The following DIAPH3 variants were observed in gnomAD, a reference collection of about 807,000 sequenced individuals.
DIAPH3 encodes the protein diaphanous related formin 3.
DIAPH3 carries 117 observed loss-of-function variants against 144.3 expected under a neutral mutation model. The ratio of observed to expected loss-of-function variants is 0.81; its 90% CI spans 0.70 to 0.95. The LOEUF (loss-of-function observed/expected upper bound fraction) is 0.95. Ranked by LOEUF, DIAPH3 falls within the 40% of genes least tolerant of loss-of-function variation. DIAPH3 has a pLI of 0.00. For missense variants in DIAPH3, 1,421 were observed against 1,412.7 expected (o/e 1.01, Z -0.09); for synonymous variants, 519 against 488.9 (o/e 1.06, Z -0.81).
intron 20 of DIAPH3, among the ~76,000 whole-genome samples, chr13:59,885,958 C>T (rs769575762): frequency 9.2e-5 from 14 of 152,016 alleles, no homozygotes; most frequent in Non-Finnish European, 1.9e-4. Context: ...CCACCAAGAT[C>T]GTAGACATTT....
At chr13:59,991,902 A>G (rs2051844665) in intron 11 of DIAPH3, among the ~76,000 whole-genome samples, 166 bp downstream of exon 11, 1 of 152,078 alleles carries the variant, frequency 6.6e-6, no homozygotes, top group South Asian at 2.1e-4. Flanking sequence ...ATATATGTGT[A>G]TTCATAAAAA....
intron 17 of DIAPH3, among the ~76,000 whole-genome samples, chr13:59,962,635 T>A (rs984990770): frequency 5.3e-5 from 8 of 152,122 alleles, no homozygotes; most frequent in African/African-American, 1.9e-4. Context: ...AGCTCCTTCC[T>A]GGCTAGACTG....
chr13:60,100,992 T>C (rs2058253587), intron 3 of DIAPH3, among the ~76,000 whole-genome samples: 1 of 152,086 alleles, frequency 6.6e-6, no homozygotes, highest in Admixed American at 6.6e-5. Flanking sequence ...ACTGTTTACA[T>C]TTCCTCCTAT....
intron 13 of DIAPH3, among the ~76,000 whole-genome samples, chr13:59,981,338 G>A (rs1274528795): frequency 6.6e-6 from 1 of 151,398 alleles, no homozygotes; most frequent in East Asian, 1.9e-4. Context: ...ATAATGCCAA[G>A]TGTTGGAGTT....
chr13:60,056,306 G>C (rs547391201), intron 4 of DIAPH3, among the ~76,000 whole-genome samples: 1 of 151,422 alleles, frequency 6.6e-6, no homozygotes, highest in African/African-American at 2.4e-5. Flanking sequence ...AATAGAGACA[G>C]AGAAAGGAGA....
intron 21 of DIAPH3, among the ~76,000 whole-genome samples, chr13:59,873,919 G>A (rs1471122853): frequency 2.0e-5 from 3 of 152,026 alleles, no homozygotes; most frequent in Non-Finnish European, 4.4e-5. Context: ...TGATAGGCCC[G>A]CCTCAGCCTC....
At chr13:59,947,742 A>AC (rs2048874294) in intron 17 of DIAPH3, among the ~76,000 whole-genome samples, 2 of 151,980 alleles carry the variant, frequency 1.3e-5, no homozygotes, top group South Asian at 2.1e-4. Context: ...TTAAAAAAAA[A>AC]AAACAAACAA....
At chr13:59,983,181 C>T (rs1432259606) in intron 13 of DIAPH3, among the ~76,000 whole-genome samples, 3 of 127,916 alleles carry the variant, frequency 2.3e-5, no homozygotes, top group Admixed American at 8.1e-5. Flanking sequence ...TAGAAGCCAT[C>T]GTCTGTATGA....
At chr13:60,104,646 T>C (rs936105429) in intron 3 of DIAPH3, among the ~76,000 whole-genome samples, 1 of 151,704 alleles carries the variant, frequency 6.6e-6, no homozygotes, top group Non-Finnish European at 1.5e-5. Flanking sequence ...ATACTGTAAA[T>C]TTTAGCAGAA....
chr13:59,756,558 G>A (rs2037288984), intron 27 of DIAPH3, among the ~76,000 whole-genome samples: 1 of 150,696 alleles, frequency 6.6e-6, no homozygotes. Flanking sequence ...GGGAGGAAGG[G>A]AGAGAGGGAG....
At chr13:59,811,564 C>T (rs1168829144) in intron 24 of DIAPH3, among the ~76,000 whole-genome samples, 1 of 151,866 alleles carries the variant, frequency 6.6e-6, no homozygotes, top group Non-Finnish European at 1.5e-5. Flanking sequence ...TGGTGCAACT[C>T]TGTCTCTACT....
At chr13:59,856,494 C>T (rs933651408) in intron 22 of DIAPH3, among the ~76,000 whole-genome samples, 1 of 152,144 alleles carries the variant, frequency 6.6e-6, no homozygotes, top group Non-Finnish European at 1.5e-5. Context: ...CCAGGCCCCT[C>T]CCCATGGCTT....
At chr13:59,980,763 A>G (rs1228043596) in intron 14 of DIAPH3, 32 bp downstream of exon 14, 7 of 1,579,800 alleles carry the variant, frequency 4.4e-6, no homozygotes, top group South Asian at 1.1e-5. Context: ...GGTTCCCCAC[A>G]GAATACTATA....
chr13:59,743,915 T>TC (rs921504332), intron 27 of DIAPH3, among the ~76,000 whole-genome samples: 4 of 152,294 alleles, frequency 2.6e-5, no homozygotes, highest in Admixed American at 2.6e-4. Context: ...CCCACAGGCA[T>TC]CACTGTCCCT....
Position 59,974,341 on chromosome 13 carries a change from T to A in DIAPH3, c.1650+11A>T. On this transcript the variant is annotated intron_variant, in intron 15 of 27. Transcript: ENST00000400324. Reference sequence around the variant, plus strand: ...TTTTAATACCCAAATTCACTCAGAGTGGAATTTTACCTGAGACTTAAAAGC... The same window carrying A: ...TTTTAATACCCAAATTCACTCAGAGAGGAATTTTACCTGAGACTTAAAAGC... 1 of 1,604,360 alleles carries A rather than the reference T, an allele frequency of 6.2e-7. No homozygotes were observed. The highest frequency in any genetic ancestry group is 8.5e-7 in the Non-Finnish European group (1 of 1,172,344).
chr13:59,745,684 G>A (rs1172098621), intron 27 of DIAPH3, among the ~76,000 whole-genome samples: 1 of 152,048 alleles, frequency 6.6e-6, no homozygotes, highest in Admixed American at 6.5e-5. Context: ...TACTAGCTAG[G>A]GAAGGCAGAC....
At position 60,070,444 on chromosome 13, in the gene DIAPH3, TA is replaced by T. The variant is rs55727863; in HGVS notation, c.495+23183del. Among the ~76,000 whole-genome samples the T allele has an allele frequency of 8.0e-5, 12 of 149,452 alleles. No homozygotes were observed. In the South Asian group the frequency reaches 8.4e-4, roughly 11 times the overall value. The stretch of plus-strand genomic sequence containing the variant: ...TTGACATAAAAACAGTTTTAGGGTT[TA>T]AAAAAAAAAGTTGATCATGTCTATG... On this transcript the variant is annotated intron_variant, in intron 4 of 27. Coordinates refer to ENST00000400324, the MANE Select transcript of DIAPH3 (RefSeq NM_001042517.2).
At chr13:59,819,862 C>T (rs1378484707) in intron 24 of DIAPH3, among the ~76,000 whole-genome samples, 1 of 151,490 alleles carries the variant, frequency 6.6e-6, no homozygotes, top group Non-Finnish European at 1.5e-5. Flanking sequence ...TTTAAATAAC[C>T]ACCTAGCACT....
chr13:59,916,588 T>C (rs1054918717), intron 18 of DIAPH3, among the ~76,000 whole-genome samples: 1 of 152,118 alleles, frequency 6.6e-6, no homozygotes, highest in African/African-American at 2.4e-5. Context: ...AACATCACAT[T>C]GTAATGAAAA....
Sources: allele counts gnomAD v4.1 joint callset (sites outside exome capture counted in the v4.1 genomes callset), GRCh38; gene constraint gnomAD v4.1.1; transcripts MANE v1.5; gene names NCBI Gene and HGNC (gene_info 2026-07-23, HGNC 2026-07-21).